Variants in RERG observed in about 807,000 individuals in gnomAD.
RERG encodes RAS like estrogen regulated growth inhibitor, also known as ras-related and estrogen-regulated growth inhibitor.
RERG carries 25 observed loss-of-function variants against 23.2 expected under a neutral mutation model. The observed-to-expected ratio is 1.08, with a 90% confidence interval of 0.79 to 1.50. RERG has a LOEUF of 1.50. Among genes scored for constraint, RERG ranks in the 40% most tolerant of loss-of-function variants. RERG has a pLI of 0.00. For missense variants in RERG, 253 were observed against 250.1 expected, an observed-to-expected ratio of 1.01 and a Z score of -0.08; for synonymous variants, 81 against 89.1, an observed-to-expected ratio of 0.91 and a Z score of 0.51.
intron 3 of RERG, among the ~76,000 whole-genome samples, chr12:15,111,918 C>T (rs968860287): frequency 4.6e-5 from 7 of 152,152 alleles, no homozygotes; most frequent in Admixed American, 2.0e-4. Flanking sequence ...TTAAGTGATC[C>T]GCCTGCCTTG....
rs1185853369 is a variant in RERG, at chr12:15,161,146, GAA to G, written c.62-40029_62-40028del. Among the ~76,000 whole-genome samples, 83 of 64,878 alleles carry G rather than the reference GAA, an allele frequency of 1.3e-3. 1 individual carries two copies. Among genetic ancestry groups the G allele is most frequent in the African/African-American group, 5.4e-3 (78 of 14,338 alleles). 42.6% of individuals were successfully genotyped at this position (64,878 alleles called of 152,430 possible). ...TGAGACTCCATCTCAGAAAAAGAAA[GAA>G]AGAAAGAAAGAAAGAAAGAAAGAAA... On this transcript the variant is annotated intron_variant, in intron 2 of 4. Coordinates refer to ENST00000256953, the MANE Select transcript of RERG (RefSeq NM_032918.3).
chr12:15,161,231 A>G (rs1864610922), intron 2 of RERG, among the ~76,000 whole-genome samples: 1 of 126,950 alleles, frequency 7.9e-6, no homozygotes, highest in African/African-American at 2.6e-5. Context: ...AGAAAGAAAC[A>G]GGGGCATCAC....
intron 2 of RERG, chr12:15,155,214 A>G (rs1158009414): frequency 6.6e-6 from 1 of 152,236 alleles, no homozygotes; most frequent in Non-Finnish European, 1.5e-5. Flanking sequence ...CTGCATTGTA[A>G]CTTTTGGAAA....
chr12:15,206,962 T>C (rs372949941), intron 2 of RERG, among the ~76,000 whole-genome samples: 48 of 152,194 alleles, frequency 3.2e-4, no homozygotes, highest in African/African-American at 1.1e-3. Context: ...ATTGTAACTG[T>C]GAAGCTTCTC....
chr12:15,182,708 T>A (rs1864941035), intron 2 of RERG, among the ~76,000 whole-genome samples: 1 of 152,198 alleles, frequency 6.6e-6, no homozygotes, highest in Non-Finnish European at 1.5e-5. Flanking sequence ...CTGTTCATCT[T>A]TATATTCTGA....
Position 15,137,376 on chromosome 12 carries a change from T to C in RERG, c.62-16257A>G, listed in dbSNP as rs145500847. On this transcript the variant is annotated intron_variant, in intron 2 of 4. Transcript: ENST00000256953. ...TTTAGATCATTGATATTTAAAATGA[T>C]TACTGATATATGAAATTAATATCTA... is the stretch of plus-strand genomic sequence containing the variant. 1.7e-3 allele frequency among the ~76,000 whole-genome samples: 252 copies of C among 151,936 alleles called. 1 individual carries two copies. Among genetic ancestry groups the C allele is most frequent in the African/African-American group, 4.6e-3 (190 of 41,568 alleles).
At chr12:15,168,565 ATGT>A (rs1864729910) in intron 2 of RERG, among the ~76,000 whole-genome samples, 1 of 152,162 alleles carries the variant, frequency 6.6e-6, no homozygotes, top group South Asian at 2.1e-4. Flanking sequence ...TCCTGGTGTC[ATGT>A]TGTGGGTACA....
At chr12:15,194,041 C>T (rs1031861812) in intron 2 of RERG, among the ~76,000 whole-genome samples, 4 of 152,038 alleles carry the variant, frequency 2.6e-5, no homozygotes, top group Admixed American at 6.6e-5. Context: ...AAGTAAGTAC[C>T]TTTACAAGAA....
chr12:15,129,953 G>A (rs969111388), intron 2 of RERG, among the ~76,000 whole-genome samples: 1 of 152,136 alleles, frequency 6.6e-6, no homozygotes, highest in Non-Finnish European at 1.5e-5. Flanking sequence ...GACTCCACAT[G>A]AAATAAAAGT....
At chr12:15,167,272 G>C (rs1864708991) in intron 2 of RERG, among the ~76,000 whole-genome samples, 1 of 152,144 alleles carries the variant, frequency 6.6e-6, no homozygotes, top group Non-Finnish European at 1.5e-5. Context: ...CTCTAGACTG[G>C]CCCTCCCTCT....
intron 2 of RERG, chr12:15,152,095 T>TA (rs1029341865): frequency 1.3e-5 from 2 of 152,166 alleles, no homozygotes; most frequent in African/African-American, 2.4e-5. Flanking sequence ...GTTTTGCACT[T>TA]AAAGTACCAT....
At chr12:15,161,178 G>GAAAGAAAGAA (rs2136113488) in intron 2 of RERG, among the ~76,000 whole-genome samples, 1 of 141,048 alleles carries the variant, frequency 7.1e-6, no homozygotes, top group East Asian at 2.1e-4. Flanking sequence ...AAGAAAGAAA[G>GAAAGAAAGAA]AAAGAAAGAA....
At chr12:15,162,089 A>T (rs1465735688) in intron 2 of RERG, among the ~76,000 whole-genome samples, 1 of 152,246 alleles carries the variant, frequency 6.6e-6, no homozygotes, top group Non-Finnish European at 1.5e-5. Flanking sequence ...GAAAGACTTG[A>T]AAAATGAGAC....
intron 2 of RERG, among the ~76,000 whole-genome samples, chr12:15,200,808 G>A (rs1428097387): frequency 6.6e-6 from 1 of 151,768 alleles, no homozygotes; most frequent in South Asian, 2.1e-4. Context: ...GTTTTTAAAA[G>A]GCTTCTGAGT....
chr12:15,186,494 T>C (rs920677608), intron 2 of RERG, among the ~76,000 whole-genome samples: 1 of 152,052 alleles, frequency 6.6e-6, no homozygotes, highest in African/African-American at 2.4e-5. Flanking sequence ...ATATATTATT[T>C]AGATAGTCTG....
chr12:15,167,864 C>T (rs1864718783), intron 2 of RERG, among the ~76,000 whole-genome samples: 1 of 152,004 alleles, frequency 6.6e-6, no homozygotes, highest in South Asian at 2.1e-4. Flanking sequence ...TGGTTTTTTG[C>T]TCAAATTGAG....
intron 2 of RERG, among the ~76,000 whole-genome samples, chr12:15,161,165 A>T (rs906207604): frequency 5.9e-5 from 8 of 136,686 alleles, no homozygotes; most frequent in African/African-American, 1.9e-4. Context: ...AAAGAAAGAA[A>T]GAAAGAAAGA....
chr12:15,118,144 A>G (rs4454775), intron 3 of RERG, among the ~76,000 whole-genome samples: 101,113 of 151,856 alleles, frequency 0.67, 33,760 homozygotes, highest in Admixed American at 0.74. Context: ...CCCCTCCCCC[A>G]TTTCCTTCCC....
intron 2 of RERG, among the ~76,000 whole-genome samples, chr12:15,182,120 G>A (rs1453187685): frequency 6.7e-6 from 1 of 149,318 alleles, no homozygotes; most frequent in Non-Finnish European, 1.5e-5. Context: ...GTGCAATGGC[G>A]CGATCTTGGC....
Sources: allele counts gnomAD v4.1 joint callset (sites outside exome capture counted in the v4.1 genomes callset), GRCh38; gene constraint gnomAD v4.1.1; transcripts MANE v1.5; gene names NCBI Gene and HGNC (gene_info 2026-07-23, HGNC 2026-07-21).